Variants in GLUD1 observed in about 807,000 individuals in gnomAD.
GLUD1 encodes the protein glutamate dehydrogenase 1, also known as glutamate dehydrogenase 1, mitochondrial.
GLUD1 carries 22 observed loss-of-function variants against 56.0 expected under a neutral mutation model. That is an observed-to-expected ratio of 0.39 (90% CI 0.28 to 0.56). GLUD1 has a LOEUF of 0.56. Ranked by LOEUF, GLUD1 falls within the 20% of genes least tolerant of loss-of-function variation. The probability of loss-of-function intolerance (pLI) is 0.58; values close to 1 mark genes in which losing one functional copy is unlikely to be tolerated. For synonymous variants in GLUD1, 223 were observed against 269.9 expected (o/e 0.83, Z 1.70); for missense variants, 451 against 732.0 (o/e 0.62, Z 4.43).
rs1454804754 is a variant in GLUD1, at chr10:87,062,785, T to C, written c.792A>G (p.Gly264=). 3 of 1,614,022 alleles carry C rather than the reference T, an allele frequency of 1.9e-6. No individual in the cohort carries two copies. Among genetic ancestry groups the C allele is most frequent in the African/African-American group, 2.7e-5 (2 of 74,924 alleles). The part of the protein sequence containing the change: ...CVTGKPISQG[G]IHGRISATGR... ...CAGTAGCAGAGATGCGTCCATGGAT[T>C]CCCCCTTGGCTGATGGGTTTACCAG... is the stretch of plus-strand genomic sequence containing the variant. Residue 264 remains glycine, a synonymous_variant, in exon 6 of 13, where the codon GGA becomes GGG. Coordinates refer to ENST00000277865, the MANE Select transcript of GLUD1 (RefSeq NM_005271.5).
rs896457764 is a variant in GLUD1 at position 87,094,668 on chromosome 10, C to G, written c.102G>C (p.Arg34=). 1.4e-4 allele frequency: 216 copies of G among 1,558,590 alleles called. No homozygotes were observed. Among genetic ancestry groups the G allele is most frequent in the Non-Finnish European group, 1.8e-4 (206 of 1,152,094 alleles). ...GCTGCGGGGCGGCGGCGGGCTGTCC[C>G]CGGGCCCAGCCCAGCAACGCGGCCG... ...ADSAALLGWA[R]GQPAAAPQPG... Residue 34 remains arginine, a synonymous_variant, in exon 1 of 13, where the codon CGG becomes CGC. Transcript: ENST00000277865. The surrounding 1 kb of genome is among the most constrained non-coding windows in gnomAD (Gnocchi z 6.6).
intron 1 of GLUD1, among the ~76,000 whole-genome samples, chr10:87,092,931 TAGG>T (rs1158679574): frequency 3.9e-5 from 6 of 152,180 alleles, no homozygotes; most frequent in Non-Finnish European, 8.8e-5. Context: ...CAGGCAAATG[TAGG>T]AGACTGACGG....
At chr10:87,080,792 A>G (rs1290361969) in intron 1 of GLUD1, among the ~76,000 whole-genome samples, 1 of 145,868 alleles carries the variant, frequency 6.9e-6, no homozygotes, top group African/African-American at 2.6e-5. Flanking sequence ...CAGCCACCCC[A>G]TCTGGGAAGT....
At chr10:87,054,232 A>C (rs985043968) in intron 11 of GLUD1, among the ~76,000 whole-genome samples, 1 of 152,190 alleles carries the variant, frequency 6.6e-6, no homozygotes, top group Non-Finnish European at 1.5e-5. Flanking sequence ...TAAAATCAAA[A>C]TTCTGTTCTC....
chr10:87,075,576 T>C (rs536779076), intron 3 of GLUD1, among the ~76,000 whole-genome samples: 3 of 152,300 alleles, frequency 2.0e-5, no homozygotes, highest in Admixed American at 6.5e-5. Context: ...TAGTGGGGGA[T>C]ACAGAGAAGC....
Position 87,050,315 on chromosome 10 carries a change from C to T in GLUD1, c.*1436G>A, listed in dbSNP as rs886047369. ...AAGTTTCTCTGAACGTGTAAAGCAC[C>T]GAACAAAAAAAAAAAAAACAATTCA... On this transcript the variant is annotated 3_prime_UTR_variant, in exon 13 of 13. Transcript: ENST00000277865. Among the ~76,000 whole-genome samples the T allele has an allele frequency of 1.4e-5, 2 of 142,140 alleles. No individual in the cohort carries two copies. Among genetic ancestry groups the T allele is most frequent in the African/African-American group, 2.6e-5 (1 of 37,758 alleles). The allele number at this position is 142,140 out of a possible 152,430, so 93.2% of individuals were successfully genotyped here.
intron 3 of GLUD1, among the ~76,000 whole-genome samples, chr10:87,075,631 T>C (rs1846365379): frequency 6.6e-6 from 1 of 152,098 alleles, no homozygotes; most frequent in South Asian, 2.1e-4. Flanking sequence ...TGCACAAATG[T>C]CACTTTGAGG....
intron 4 of GLUD1, among the ~76,000 whole-genome samples, chr10:87,071,774 T>C (rs551521657): frequency 2.0e-5 from 3 of 152,312 alleles, no homozygotes; most frequent in South Asian, 4.1e-4. Flanking sequence ...ATTGTCCTGA[T>C]ACAAAGACTA....
chr10:87,081,018 T>TG (rs1319598388), intron 1 of GLUD1, among the ~76,000 whole-genome samples: 7 of 54,558 alleles, frequency 1.3e-4, no homozygotes, highest in Non-Finnish European at 1.5e-4. Context: ...GGGAGGGAGG[T>TG]GGGGGGTCAG....
At chr10:87,083,874 T>C (rs920933030) in intron 1 of GLUD1, among the ~76,000 whole-genome samples, 1 of 152,130 alleles carries the variant, frequency 6.6e-6, no homozygotes, top group African/African-American at 2.4e-5. Context: ...TTAGACTCCA[T>C]TGATGCATTA....
intron 5 of GLUD1, among the ~76,000 whole-genome samples, chr10:87,066,232 G>C (rs527495816): frequency 1.1e-4 from 17 of 152,032 alleles, no homozygotes; most frequent in Non-Finnish European, 2.2e-4. Context: ...TTAGTTGGAG[G>C]CTATATTTCA....
Position 87,074,842 on chromosome 10 carries a change from T to C in GLUD1, c.583-228A>G, listed in dbSNP as rs143265148. Among the ~76,000 whole-genome samples, 1,164 of 152,296 alleles carry C rather than the reference T, an allele frequency of 7.6e-3. 16 individuals carry two copies. The highest frequency in any genetic ancestry group is 0.027 in the African/African-American group (1,121 of 41,576). On this transcript the variant is annotated intron_variant, in intron 3 of 12. Transcript: ENST00000277865. ...AGAACTAGGGCTCAAATTCCCATTC[T>C]ATTAATTCCCCACTGAAAAATACAC...
Position 87,059,318 on chromosome 10 carries a change from C to T in GLUD1, c.1279-45G>A, listed in dbSNP as rs375751878. The T allele has an allele frequency of 5.8e-5, 92 of 1,598,986 alleles. No homozygotes were observed. In the South Asian group the frequency reaches 8.7e-4, roughly 15 times the overall value. ...AAAGAAATTAGAAGATGATGGTTTT[C>T]GTAAAAGCTGAAAATGAACCTAAGA... On this transcript the variant is annotated intron_variant, in intron 9 of 12. Coordinates refer to ENST00000277865, the MANE Select transcript of GLUD1 (RefSeq NM_005271.5).
At chr10:87,062,433 TG>T (rs1483286447) in intron 6 of GLUD1, among the ~76,000 whole-genome samples, 2 of 152,230 alleles carry the variant, frequency 1.3e-5, no homozygotes, top group African/African-American at 4.8e-5. Flanking sequence ...TGGTTGAAGT[TG>T]GTAACAGTTT....
chr10:87,080,088 C>A lies in GLUD1; in HGVS notation c.446-3432G>T, dbSNP rs2133836930. Reference sequence around the variant, plus strand: ...GAGTGCCTGCGATTGCAGGCGCGCGCCGCCACGCCTGACTGGTTTTCGTAT... The same window carrying A: ...GAGTGCCTGCGATTGCAGGCGCGCGACGCCACGCCTGACTGGTTTTCGTAT... On this transcript the variant is annotated intron_variant, in intron 1 of 12. Transcript: ENST00000277865. 1.3e-5 allele frequency among the ~76,000 whole-genome samples: 2 copies of A among 152,022 alleles called. 1 individual carries two copies. Among genetic ancestry groups the A allele is most frequent in the South Asian group, 4.2e-4 (2 of 4,798 alleles).
chr10:87,060,750 G>A lies in GLUD1; in HGVS notation c.1135C>T (p.Leu379=). Residue 379 remains leucine (L), a synonymous_variant, in exon 8 of 13, where the codon CTG becomes TTG. Transcript: ENST00000277865. ...TGCTTCTCACTGGCAGCTGGGATCA[G>A]TATGTCACAGTCGGCCTCCAAGATG... ...GSILEADCDI[L]IPAASEKQLT... is the part of the protein sequence containing the mutation. 6.2e-7 allele frequency: 1 copy of A among 1,614,176 alleles called. No homozygotes were observed. Among genetic ancestry groups the A allele is most frequent in the South Asian group, 1.1e-5 (1 of 91,082 alleles).
At chr10:87,052,628 C>T (rs1845665043) in intron 12 of GLUD1, among the ~76,000 whole-genome samples, 1 of 139,228 alleles carries the variant, frequency 7.2e-6, no homozygotes, top group African/African-American at 2.7e-5. Flanking sequence ...TGAAAGTGCG[C>T]CACTGCACTC....
chr10:87,062,996 C>A (rs920105389), intron 5 of GLUD1, among the ~76,000 whole-genome samples, 161 bp from the exon 6 acceptor site: 4 of 151,904 alleles, frequency 2.6e-5, no homozygotes, highest in African/African-American at 9.7e-5. Context: ...CCAATAGAGA[C>A]AAGACTCACT....
Position 87,068,117 on chromosome 10 carries a change from AC to A in GLUD1, c.686del (p.Gly229ValfsTer16). The A allele has an allele frequency of 1.2e-6, 2 of 1,613,610 alleles. No homozygotes were observed. Among genetic ancestry groups the A allele is most frequent in the Non-Finnish European group, 1.7e-6 (2 of 1,179,526 alleles). Reference protein sequence around the residue: ...IDVPAPDMSTGEREMSWIADT... With the variant: ...IDVPAPDMSTXEREMSWIADT... ...CAGCGATCCAGGACATCTCCCGCTC[AC>A]CTGTGCTCATGTCTGGAGCAGGCAC... On this transcript the variant is annotated frameshift_variant, in exon 5 of 13. Transcript: ENST00000277865. LOFTEE classifies it high-confidence loss of function.
Sources: allele counts gnomAD v4.1 joint callset (sites outside exome capture counted in the v4.1 genomes callset), GRCh38; gene constraint gnomAD v4.1.1; non-coding constraint Gnocchi (gnomAD v3.1); transcripts MANE v1.5; gene names NCBI Gene and HGNC (gene_info 2026-07-23, HGNC 2026-07-21).